KHNYN: variants seen among roughly 807,000 people sequenced by gnomAD.
KHNYN encodes the protein KH and NYN domain containing.
A neutral mutation model predicts 62.7 loss-of-function variants in KHNYN; 42 were observed. The ratio of observed to expected loss-of-function variants is 0.67; its 90% confidence interval spans 0.52 to 0.87. KHNYN has a LOEUF of 0.87. Among genes scored for constraint, KHNYN ranks in the 40% least tolerant of loss-of-function variants. The pLI is 0.00. For missense variants in KHNYN, 829 were observed against 874.1 expected (o/e 0.95, Z 0.65); for synonymous variants, 347 against 345.6 (o/e 1.00, Z -0.04).
chr14:24,430,421 C>G (rs1195943275), intron 1 of KHNYN: 7 of 1,214,636 alleles, frequency 5.8e-6, no homozygotes. Context: ...CTTCTGGCCT[C>G]CAGGCCGAGC....
At chr14:24,425,916 A>C (rs2139365487), upstream of KHNYN, among the ~76,000 whole-genome samples, 1 of 152,362 alleles carries the variant, frequency 6.6e-6, no homozygotes, top group African/African-American at 2.4e-5. Context: ...TCTTGGAATT[A>C]TTCACAGTTC....
Position 24,431,930 on chromosome 14 carries a change from A to T in KHNYN, c.669A>T (p.Gly223=). The change falls in exon 3 of 8, where the codon GGA becomes GGT. Residue 223 remains glycine, a synonymous_variant. Transcript: ENST00000553935. ...CCTTGCTGGGTGCTCAGTGCCAAGG[A>T]GTGAGAGCTCCCCCTAGTGACGGCA... ...SSALLGAQCQ[G]VRAPPSDGRE... 6.2e-7 allele frequency: 1 copy of T among 1,613,792 alleles called. No homozygotes were observed.
intron 7 of KHNYN, 135 bp from the exon 8 acceptor site, chr14:24,436,901 T>C: frequency 8.5e-7 from 1 of 1,172,140 alleles, no homozygotes; most frequent in Non-Finnish European, 1.2e-6. Flanking sequence ...TGCCACTCAG[T>C]GGTCAGCTTC....
In KHNYN at chr14:24,432,505, G is replaced by A. The variant is rs1269060480; in HGVS notation, c.1244G>A (p.Arg415His). 3 of 1,613,826 alleles carry A rather than the reference G, an allele frequency of 1.9e-6. No individual in the cohort carries two copies. Among genetic ancestry groups the A allele is most frequent in the South Asian group, 1.1e-5 (1 of 91,088 alleles). The part of the protein sequence containing the change: ...RGGNLVTGTQ[R>H]FKEALQDPFT... The stretch of plus-strand genomic sequence containing the variant: ...GGCAACTTGGTGACTGGCACACAGC[G>A]TTTCAAGGAGGCCCTGCAGGATCCT... The change falls in exon 3 of 8, where the codon CGT becomes CAT. Residue 415 changes from arginine (R) to histidine (H), a missense_variant. Physicochemically the swap from Arg to His is conservative, Grantham distance 29. Coordinates refer to ENST00000553935, the MANE Select transcript of KHNYN (RefSeq NM_015299.3). This position sits in a 1 kb window ranked among gnomAD's most constrained non-coding sequence, Gnocchi z 5.6.
chr14:24,437,116 A>G lies in KHNYN; in HGVS notation c.1868A>G (p.Glu623Gly). The G allele has an allele frequency of 6.2e-7, 1 of 1,614,130 alleles. No homozygotes were observed. The highest frequency in any genetic ancestry group is 8.5e-7 in the Non-Finnish European group (1 of 1,180,016). Reference protein sequence around the residue: ...HGKQQQGREEEKGSGGIRKTR... With the variant: ...HGKQQQGREEGKGSGGIRKTR... ...AAACAGCAGCAGGGGAGAGAAGAGG[A>G]AAAAGGTAGTGGTGGCATTCGGAAG... is the stretch of plus-strand genomic sequence containing the variant. Residue 623 changes from glutamate to glycine, a missense_variant, in exon 8 of 8, where the codon GAA becomes GGA. Glu to Gly is a moderately conservative substitution (Grantham distance 98). Coordinates refer to ENST00000553935, the MANE Select transcript of KHNYN (RefSeq NM_015299.3). This position sits in a 1 kb window ranked among gnomAD's most constrained non-coding sequence, Gnocchi z 5.5.
chr14:24,441,746 TG>T lies in KHNYN; in HGVS notation c.*4463del, dbSNP rs750868578. On this transcript the variant is annotated 3_prime_UTR_variant, in exon 8 of 8. Transcript: ENST00000553935. Reference sequence around the variant, plus strand: ...GTGATGGCTTTAGCCAGCAATTGGGTGGTCTCTAGGCGGCTGCCGATTACCT... The same window carrying T: ...GTGATGGCTTTAGCCAGCAATTGGGTGTCTCTAGGCGGCTGCCGATTACCT... 1 of 1,602,134 alleles carries T rather than the reference TG, an allele frequency of 6.2e-7. No homozygotes were observed. Among genetic ancestry groups the T allele is most frequent in the Non-Finnish European group, 8.5e-7 (1 of 1,176,556 alleles).
In KHNYN at chr14:24,432,838, A is replaced by G. The variant is rs1380396034; in HGVS notation, c.1466A>G (p.Asp489Gly). 6.2e-7 allele frequency: 1 copy of G among 1,614,214 alleles called. No individual in the cohort carries two copies. Among genetic ancestry groups the G allele is most frequent in the Non-Finnish European group, 8.5e-7 (1 of 1,180,024 alleles). Residue 489 changes from aspartate to glycine, a missense_variant, in exon 4 of 8, where the codon GAT (aspartate) becomes GGT (glycine). Physicochemically the swap from Asp to Gly is moderately conservative, Grantham distance 94 (BLOSUM62 -1). Around this residue, in one of 2 missense-constraint regions of KHNYN, gnomAD observed 270 missense variants for 347.1 expected, o/e 0.78. Transcript: ENST00000553935. The surrounding 1 kb of genome is among the most constrained non-coding windows in gnomAD (Gnocchi z 5.6). ...VFVPQWRFSK[D>G]AKVRESHFLQ... Reference sequence around the variant, plus strand: ...GTGCCTCAGTGGCGCTTCAGTAAGGATGCCAAAGTCAGAGGTGAGTTGGGC... The same window carrying G: ...GTGCCTCAGTGGCGCTTCAGTAAGGGTGCCAAAGTCAGAGGTGAGTTGGGC...
At chr14:24,424,418 A>G (rs888779419), upstream of KHNYN, among the ~76,000 whole-genome samples, 1 of 152,220 alleles carries the variant, frequency 6.6e-6, no homozygotes, top group Non-Finnish European at 1.5e-5. Context: ...TTTTCTCTAC[A>G]TGATGCCATC....
chr14:24,440,774 G>C lies in KHNYN; in HGVS notation c.*3489G>C. On this transcript the variant is annotated 3_prime_UTR_variant, in exon 8 of 8. Transcript: ENST00000553935. The stretch of plus-strand genomic sequence containing the variant: ...CCAACCCTGTCTGATACCCAGGCCC[G>C]TTTCTCACCTGAGCGCACCACCACC... The C allele has an allele frequency of 6.2e-7, 1 of 1,613,560 alleles. No homozygotes were observed.
rs1163963719 is a variant in KHNYN, at chr14:24,438,508, C to T, written c.*1223C>T. ...AAATGAAAGAACCAGAGTTGGAAGGCACTTGACTGGCCACCAGACCAACTC... is the reference window on the plus strand; with the variant it reads ...AAATGAAAGAACCAGAGTTGGAAGGTACTTGACTGGCCACCAGACCAACTC... On this transcript the variant is annotated 3_prime_UTR_variant, in exon 8 of 8. Coordinates refer to ENST00000553935, the MANE Select transcript of KHNYN (RefSeq NM_015299.3). 6.6e-6 allele frequency: 1 copy of T among 152,176 alleles called. No individual in the cohort carries two copies. The highest frequency in any genetic ancestry group is 2.4e-5 in the African/African-American group (1 of 41,448). 9.4% of individuals were successfully genotyped at this position (152,176 alleles called of 1,614,324 possible). A position where few individuals can be genotyped will look rare whatever the true frequency, so the allele number is the denominator to read the frequency against.
At chr14:24,427,083 A>G (rs1163143503), upstream of KHNYN, 1 of 152,512 alleles carries the variant, frequency 6.6e-6, no homozygotes, top group East Asian at 1.9e-4. The surrounding 1 kb of genome is among the most constrained non-coding windows in gnomAD (Gnocchi z 4.4). Flanking sequence ...ACTCACCCTA[A>G]TCTCAGGTGG....
chr14:24,429,858 G>C (rs937205485), upstream of KHNYN: 18 of 1,014,576 alleles, frequency 1.8e-5, no homozygotes, highest in African/African-American at 1.7e-4. Context: ...CGGGCCCGTC[G>C]GGGCCTCTGG....
At chr14:24,429,830 C>T, upstream of KHNYN, 1 of 1,059,308 alleles carries the variant, frequency 9.4e-7, no homozygotes, top group Non-Finnish European at 1.1e-6. Flanking sequence ...CTGGAGCCGC[C>T]GAGGGGACTA....
At position 24,438,233 on chromosome 14, in the gene KHNYN, A is replaced by G. The variant is rs2043238538; in HGVS notation, c.*948A>G. The G allele has an allele frequency of 6.6e-6, 1 of 152,666 alleles. No homozygotes were observed. Among genetic ancestry groups the G allele is most frequent in the Admixed American group, 6.5e-5 (1 of 15,284 alleles). The allele number at this position is 152,666 out of a possible 1,614,324, so 9.5% of individuals were successfully genotyped here. On this transcript the variant is annotated 3_prime_UTR_variant, in exon 8 of 8. Transcript: ENST00000553935. The stretch of plus-strand genomic sequence containing the variant: ...GTATTCAGGTGTTGTTTACAGACTA[A>G]CAAATGTGTTGGCAAATCCCTGGTT...
At chr14:24,427,988 T>C (rs754244519), upstream of KHNYN, 4 of 1,612,590 alleles carry the variant, frequency 2.5e-6, no homozygotes, top group South Asian at 1.1e-5. The surrounding 1 kb of genome is among the most constrained non-coding windows in gnomAD (Gnocchi z 4.4). Flanking sequence ...CAGGCTCACC[T>C]GGGGAGGGGA....
In KHNYN at chr14:24,436,633, T is replaced by C. The variant is rs1035497464; in HGVS notation, c.1787+144T>C. On this transcript the variant is annotated intron_variant, in intron 7 of 7. Coordinates refer to ENST00000553935, the MANE Select transcript of KHNYN (RefSeq NM_015299.3). ...TGAGTTGCATTGGCCTTGGCCTTTA[T>C]AAGCTTCCCAGGGGATCCTGACATA... The C allele has an allele frequency of 3.1e-5, 19 of 619,984 alleles. No individual in the cohort carries two copies. In the South Asian group the frequency reaches 4.0e-4, roughly 13 times the overall value. The allele number at this position is 619,984 out of a possible 1,614,324, so 38.4% of individuals were successfully genotyped here.
intron 5 of KHNYN, chr14:24,435,523 A>G (rs1425497432): frequency 6.5e-6 from 1 of 154,302 alleles, no homozygotes; most frequent in Non-Finnish European, 1.4e-5. Context: ...CTCAGTTGCA[A>G]TATCTGAATT....
At chr14:24,427,837 AC>A (rs1240901686), upstream of KHNYN, 1 of 1,613,836 alleles carries the variant, frequency 6.2e-7, no homozygotes, top group East Asian at 2.2e-5. The surrounding 1 kb of genome is among the most constrained non-coding windows in gnomAD (Gnocchi z 4.4). Flanking sequence ...ATTTCCAACC[AC>A]CCAGTAGATT....
Position 24,441,039 on chromosome 14 carries a change from G to A in KHNYN, c.*3754G>A. The A allele has an allele frequency of 8.8e-7, 1 of 1,141,528 alleles. No homozygotes were observed. The highest frequency in any genetic ancestry group is 1.3e-6 in the Non-Finnish European group (1 of 768,716). 70.7% of individuals were successfully genotyped at this position (1,141,528 alleles called of 1,614,324 possible). On this transcript the variant is annotated 3_prime_UTR_variant, in exon 8 of 8. Coordinates refer to ENST00000553935, the MANE Select transcript of KHNYN (RefSeq NM_015299.3). Reference sequence around the variant, plus strand: ...CTGGCCCTTAGGATCTCCCCATTTGGAGACAGAGCCATTTGGATATTTTCC... The same window carrying A: ...CTGGCCCTTAGGATCTCCCCATTTGAAGACAGAGCCATTTGGATATTTTCC...
Sources: gnomAD v4.1 joint callset for allele counts (sites outside exome capture counted in the v4.1 genomes callset) on GRCh38, gnomAD v4.1.1 for gene constraint, gnomAD v4.1.1 regional missense constraint, Gnocchi (gnomAD v3.1) non-coding constraint, MANE v1.5 for transcripts, NCBI Gene and HGNC (gene_info 2026-07-23, HGNC 2026-07-21) for gene names.